ITIH3: variants seen among roughly 807,000 people sequenced by gnomAD.
The protein encoded by ITIH3 is inter-alpha-trypsin inhibitor heavy chain 3.
Under a neutral mutation model 96.5 loss-of-function variants are expected in ITIH3, and 81 were observed. The ratio of observed to expected loss-of-function variants is 0.84; its 90% CI spans 0.70 to 1.01. The LOEUF (loss-of-function observed/expected upper bound fraction) is 1.01, where lower values mean the gene tolerates loss of function less well. Among genes scored for constraint, ITIH3 ranks in the 50% least tolerant of loss-of-function variants. The pLI is 0.00. For missense variants in ITIH3, 1,057 were observed against 1,139.3 expected (o/e 0.93, Z 1.04); for synonymous variants, 422 against 445.2 (o/e 0.95, Z 0.66).
Position 52,808,135 on chromosome 3 carries a change from TA to T in ITIH3, c.2460del (p.Val821CysfsTer19). 25 of 1,614,178 alleles carry T rather than the reference TA, an allele frequency of 1.5e-5. No individual in the cohort carries two copies. Among genetic ancestry groups the T allele is most frequent in the Non-Finnish European group, 1.9e-5 (23 of 1,180,008 alleles). On this transcript the variant is annotated frameshift_variant, in exon 21 of 22. Coordinates refer to ENST00000449956, the MANE Select transcript of ITIH3 (RefSeq NM_002217.4). LOFTEE classifies it high-confidence loss of function. ...GGCAATTCTTCCAACCCTTTGACTT[TA>T]AAGTGTCTGACATCCGGCCAGGCTC... ...LGQFFQPFDF[K>X]VSDIRPGSDP... is the part of the protein sequence containing the mutation.
intron 16 of ITIH3, 54 bp from the exon 17 acceptor site, chr3:52,806,049 G>T: frequency 6.4e-7 from 1 of 1,568,984 alleles, no homozygotes. Context: ...GGGTCGTCGG[G>T]CGCCTCCCAG....
In ITIH3 at chr3:52,796,809, G is replaced by A. The variant is rs750682460; in HGVS notation, c.352G>A (p.Ala118Thr). 8.1e-6 allele frequency: 13 copies of A among 1,612,288 alleles called. No individual in the cohort carries two copies. Among genetic ancestry groups the A allele is most frequent in the East Asian group, 4.5e-5 (2 of 44,870 alleles). Residue 118 changes from alanine to threonine, a missense_variant, in exon 4 of 22, where the codon GCT becomes ACT. Coordinates refer to ENST00000449956, the MANE Select transcript of ITIH3 (RefSeq NM_002217.4). Reference protein sequence around the residue: ...KEVAKKQYEKAVSQGKTAGLV... With the variant: ...KEVAKKQYEKTVSQGKTAGLV... ...AGTTGCCAAGAAGCAGTATGAAAAG[G>A]CTGTGTCCCAGGGCAAGACGGCCGG...
chr3:52,804,208 T>C, intron 14 of ITIH3, 199 bp downstream of exon 14: 3 of 599,902 alleles, frequency 5.0e-6, no homozygotes, highest in South Asian at 2.0e-5. Context: ...GTGGGGTGAA[T>C]AGGAGCCTCT....
At chr3:52,803,424 T>C (rs1191763245) in intron 13 of ITIH3, among the ~76,000 whole-genome samples, 1 of 151,626 alleles carries the variant, frequency 6.6e-6, no homozygotes, top group African/African-American at 2.4e-5. Context: ...GTTCACGCCA[T>C]TCTCCTGCCT....
chr3:52,799,215 A>G, intron 7 of ITIH3, 124 bp downstream of exon 7: 1 of 1,308,764 alleles, frequency 7.6e-7, no homozygotes, highest in South Asian at 1.4e-5. Flanking sequence ...AGGATGTGGG[A>G]CAGCTGATGG....
chr3:52,795,099 C>A (rs1047072881), intron 1 of ITIH3, among the ~76,000 whole-genome samples: 1 of 152,206 alleles, frequency 6.6e-6, no homozygotes, highest in Non-Finnish European at 1.5e-5. Context: ...GCTCTTAAAA[C>A]TCCCTGGGCC....
In ITIH3 at chr3:52,804,146, G is replaced by A. The variant is rs147122286; in HGVS notation, c.1864+137G>A. The A allele has an allele frequency of 3.7e-3, 3,328 of 894,288 alleles. 95 individuals are homozygous for A. The East Asian group carries it at 0.07, about 19-fold the overall frequency. The allele number at this position is 894,288 out of a possible 1,614,324, so 55.4% of individuals were successfully genotyped here. ...GGGCATCTGAAGGAAAACTGGCCAC[G>A]GGATGGGGAAAGTGGGGTGGAGCGT... On this transcript the variant is annotated intron_variant, in intron 14 of 21. Coordinates refer to ENST00000449956, the MANE Select transcript of ITIH3 (RefSeq NM_002217.4).
At position 52,797,893 on chromosome 3, in the gene ITIH3, T is replaced by C; in HGVS notation, c.626T>C (p.Leu209Pro). Residue 209 changes from leucine to proline, a missense_variant, in exon 6 of 22, where the codon CTG becomes CCG. By Grantham distance (98) the Leu-to-Pro change is moderately conservative (BLOSUM62 -3). Transcript: ENST00000449956. ...GCCTCTTTCATCACCAACGACCTCC[T>C]GGGAAGCGCCCTCACCAAGTCCTTC... The part of the protein sequence containing the change: ...AEASFITNDL[L>P]GSALTKSFSG... The C allele has an allele frequency of 6.2e-7, 1 of 1,608,010 alleles. No individual in the cohort carries two copies. Among genetic ancestry groups the C allele is most frequent in the Admixed American group, 1.7e-5 (1 of 59,484 alleles).
intron 2 of ITIH3, chr3:52,796,179 C>T (rs1578750826): frequency 2.9e-6 from 1 of 340,300 alleles, no homozygotes; most frequent in Admixed American, 4.4e-5. Flanking sequence ...GAGCCAGTGT[C>T]CCACGCATAG....
At chr3:52,799,175 T>C in intron 7 of ITIH3, 84 bp downstream of exon 7, 2 of 1,520,068 alleles carry the variant, frequency 1.3e-6, no homozygotes, top group East Asian at 2.3e-5. Context: ...GCCATCACCC[T>C]GGGTCCTCAG....
Position 52,807,743 on chromosome 3 carries a change from G to T in ITIH3, c.2262-4G>T, listed in dbSNP as rs750660955. On this transcript the variant is annotated splice_region_variant and splice_polypyrimidine_tract_variant and intron_variant, in intron 19 of 21. Coordinates refer to ENST00000449956, the MANE Select transcript of ITIH3 (RefSeq NM_002217.4). ...CACAGCCACTTTCTGGCTTCCTCTC[G>T]TAGGCTGTCCATGATGATCAACAGG... 6.2e-7 allele frequency: 1 copy of T among 1,607,992 alleles called. No individual in the cohort carries two copies. The highest frequency in any genetic ancestry group is 1.3e-5 in the African/African-American group (1 of 74,992).
chr3:52,796,387 A>G, intron 2 of ITIH3, 94 bp from the exon 3 acceptor site: 1 of 1,129,938 alleles, frequency 8.9e-7, no homozygotes. Context: ...CAGGGGCCTC[A>G]GAGCCTCCAA....
chr3:52,797,026 G>T (rs1001388848), intron 4 of ITIH3, 79 bp from the exon 5 acceptor site: 3 of 1,504,586 alleles, frequency 2.0e-6, no homozygotes, highest in African/African-American at 2.8e-5. Flanking sequence ...TCGCCAAAGG[G>T]CTGGGCCTGG....
intron 15 of ITIH3, chr3:52,805,316 T>C (rs1245569929): frequency 2.0e-6 from 2 of 1,007,820 alleles, no homozygotes. Flanking sequence ...GACTGGCACA[T>C]TTGGACTGGG....
Position 52,801,028 on chromosome 3 carries a change from T to A in ITIH3, c.1265T>A (p.Leu422Ter), listed in dbSNP as rs1209366229. ...AATGCCATCGGGGGCAAGTTCCCCT[T>A]GTATAACCTGGGCTTTGGCAACAAT... ...VRNAIGGKFP[L>*]YNLGFGNNLN... is the part of the protein sequence containing the mutation. The change falls in exon 11 of 22, where the codon TTG becomes TAG. Residue 422 changes from leucine to a stop codon, truncating the protein, a stop_gained. Transcript: ENST00000449956. LOFTEE classifies it high-confidence loss of function. 6.2e-7 allele frequency: 1 copy of A among 1,614,052 alleles called. No homozygotes were observed. Among genetic ancestry groups the A allele is most frequent in the Admixed American group, 1.7e-5 (1 of 60,024 alleles).
At chr3:52,803,535 T>A (rs1699925779) in intron 13 of ITIH3, among the ~76,000 whole-genome samples, 1 of 152,082 alleles carries the variant, frequency 6.6e-6, no homozygotes, top group African/African-American at 2.4e-5. Flanking sequence ...GCCAGGCTGA[T>A]CTCGAACTCC....
At chr3:52,795,192 G>A (rs755069176) in intron 1 of ITIH3, among the ~76,000 whole-genome samples, 4 of 152,364 alleles carry the variant, frequency 2.6e-5, no homozygotes, top group Non-Finnish European at 2.9e-5. Context: ...AGTCTCAAAC[G>A]AGTGTGACCT....
rs1007473396 is a variant in ITIH3 at position 52,796,535 on chromosome 3, C to T, written c.169C>T (p.Arg57Cys). ...CAAAATCAACTCCAAGGTGACCTCC[C>T]GTTTTGCTCACAATGTTGTCACCAT... Reference protein sequence around the residue: ...STKINSKVTSRFAHNVVTMRA... With the variant: ...STKINSKVTSCFAHNVVTMRA... The change falls in exon 3 of 22, where the codon CGT becomes TGT. Residue 57 changes from arginine to cysteine, a missense_variant. Arg to Cys is a radical substitution (Grantham distance 180). Transcript: ENST00000449956. 5 of 1,613,500 alleles carry T rather than the reference C, an allele frequency of 3.1e-6. No homozygotes were observed. The South Asian group carries it at 3.3e-5, about 11-fold the overall frequency.
chr3:52,795,607 G>C lies in ITIH3; in HGVS notation c.98G>C (p.Arg33Pro). 1.2e-6 allele frequency: 2 copies of C among 1,612,222 alleles called. No individual in the cohort carries two copies. Among genetic ancestry groups the C allele is most frequent in the Middle Eastern group, 1.7e-4 (1 of 6,052 alleles). Residue 33 changes from arginine (R) to proline (P), a missense_variant, in exon 2 of 22, where the codon CGG becomes CCG. Physicochemically the swap from Arg to Pro is moderately radical, Grantham distance 103. Coordinates refer to ENST00000449956, the MANE Select transcript of ITIH3 (RefSeq NM_002217.4). ...TGTTTGTTTTTGTTTTTTCAGAAAC[G>C]GAGCCTCCCGGAAGGGGTAAGAACT... ...PRSPFRLLGK[R>P]SLPEGVANGI...
Sources: gnomAD v4.1 joint callset for allele counts (sites outside exome capture counted in the v4.1 genomes callset) on GRCh38, gnomAD v4.1.1 for gene constraint, MANE v1.5 for transcripts, NCBI Gene and HGNC (gene_info 2026-07-23, HGNC 2026-07-21) for gene names.